ZSWIM5: variants seen among roughly 807,000 people sequenced by gnomAD.
ZSWIM5 encodes the protein zinc finger SWIM-type containing 5.
Under a neutral mutation model 119.6 loss-of-function variants are expected in ZSWIM5, and 55 were observed. The ratio of observed to expected loss-of-function variants is 0.46; its 90% CI spans 0.37 to 0.58. The LOEUF (loss-of-function observed/expected upper bound fraction) is 0.58, where lower values mean the gene tolerates loss of function less well. Ranked by LOEUF, ZSWIM5 falls within the 20% of genes least tolerant of loss-of-function variation. The probability of loss-of-function intolerance (pLI) is 0.00; values close to 1 mark genes in which losing one functional copy is unlikely to be tolerated. For missense variants in ZSWIM5, 1,193 were observed against 1,512.8 expected (o/e 0.79, Z 3.51); for synonymous variants, 537 against 606.9 (o/e 0.88, Z 1.69).
At chr1:45,086,881 ATTTT>A (rs377217727) in intron 2 of ZSWIM5, among the ~76,000 whole-genome samples, 2 of 131,950 alleles carry the variant, frequency 1.5e-5, no homozygotes, top group Admixed American at 7.8e-5. Context: ...TTCTTCTTAA[ATTTT>A]TTTTTTTTTT....
intron 1 of ZSWIM5, among the ~76,000 whole-genome samples, chr1:45,194,785 G>A (rs1646112528): frequency 1.3e-5 from 2 of 151,862 alleles, no homozygotes; most frequent in Non-Finnish European, 2.9e-5. Context: ...GCTGAGGCAG[G>A]AGAATGGTGT....
rs1397051643 is a variant in ZSWIM5, at chr1:45,072,922, C to G, written c.953-12675G>C. Among the ~76,000 whole-genome samples the G allele has an allele frequency of 1.3e-5, 2 of 151,804 alleles. No individual in the cohort carries two copies. The highest frequency in any genetic ancestry group is 2.9e-5 in the Non-Finnish European group (2 of 67,970). On this transcript the variant is annotated intron_variant, in intron 2 of 13. Coordinates refer to ENST00000359600, the MANE Select transcript of ZSWIM5 (RefSeq NM_020883.2). This position sits in a 1 kb window ranked among gnomAD's most constrained non-coding sequence, Gnocchi z 4.1. ...CCAGGTCTTTTGTGGTTTCACATAGCAAAAAACAATTTTAGAATTGTGTTT... is the reference window on the plus strand; with the variant it reads ...CCAGGTCTTTTGTGGTTTCACATAGGAAAAAACAATTTTAGAATTGTGTTT...
chr1:45,098,242 G>C (rs1383277578), intron 1 of ZSWIM5, among the ~76,000 whole-genome samples: 1 of 152,196 alleles, frequency 6.6e-6, no homozygotes, highest in Non-Finnish European at 1.5e-5. Flanking sequence ...GTAGAGTCAG[G>C]CAGGAGCCAC....
rs976983354 is a variant in ZSWIM5 at position 45,093,670 on chromosome 1, T to C, written c.596-5433A>G. Among the ~76,000 whole-genome samples the C allele has an allele frequency of 3.9e-5, 6 of 152,332 alleles. No individual in the cohort carries two copies. In the South Asian group the frequency reaches 1.2e-3, roughly 32 times the overall value. On this transcript the variant is annotated intron_variant, in intron 1 of 13. Transcript: ENST00000359600. The stretch of plus-strand genomic sequence containing the variant: ...TCTTAAAAGGGAAGTCCCTTTCAAA[T>C]ATCTATACCCCTTGCCTTATTGTAA...
At chr1:45,027,130 G>A (rs1644925353) in intron 11 of ZSWIM5, among the ~76,000 whole-genome samples, 1 of 149,802 alleles carries the variant, frequency 6.7e-6, no homozygotes, top group South Asian at 2.1e-4. Context: ...TTAGCCTAAA[G>A]GTTTATCAAT....
chr1:45,177,312 T>C (rs1052839913), intron 1 of ZSWIM5, among the ~76,000 whole-genome samples: 2 of 152,162 alleles, frequency 1.3e-5, no homozygotes, highest in African/African-American at 2.4e-5. Flanking sequence ...TTAAGAGTTG[T>C]TATAGACTCT....
At chr1:45,087,594 T>A (rs79265091) in intron 2 of ZSWIM5, among the ~76,000 whole-genome samples, 3,147 of 152,340 alleles carry the variant, frequency 0.021, 117 homozygotes, top group African/African-American at 0.072. Flanking sequence ...AGGGACAGGG[T>A]CTGCATCGAC....
rs74556173 is a variant in ZSWIM5, at chr1:45,142,946, G to A, written c.596-54709C>T. On this transcript the variant is annotated intron_variant, in intron 1 of 13. Transcript: ENST00000359600. ...AGCACTTTGGGAGGCCGAGGTGAGCGGGTCACACGAGCCCAGGAGTTTGAG... is the reference window on the plus strand; with the variant it reads ...AGCACTTTGGGAGGCCGAGGTGAGCAGGTCACACGAGCCCAGGAGTTTGAG... Among the ~76,000 whole-genome samples, 710 of 151,122 alleles carry A rather than the reference G, an allele frequency of 4.7e-3. 5 individuals carry two copies. The highest frequency in any genetic ancestry group is 0.015 in the African/African-American group (623 of 41,198).
intron 1 of ZSWIM5, among the ~76,000 whole-genome samples, chr1:45,126,542 T>C (rs141717939): frequency 3.2e-4 from 48 of 152,156 alleles, no homozygotes; most frequent in African/African-American, 1.1e-3. Context: ...GAATCCATAA[T>C]CTCAAAACTC....
intron 1 of ZSWIM5, among the ~76,000 whole-genome samples, chr1:45,100,288 C>T (rs1323827042): frequency 6.6e-6 from 1 of 152,126 alleles, no homozygotes; most frequent in Non-Finnish European, 1.5e-5. Flanking sequence ...TGAGTGAACT[C>T]CCATTCACAA....
Position 45,018,575 on chromosome 1 carries a change from C to A in ZSWIM5, c.3437G>T (p.Arg1146Leu). The change falls in exon 14 of 14, where the codon CGG becomes CTG. Residue 1146 changes from arginine (R) to leucine (L), a missense_variant. By Grantham distance (102) the Arg-to-Leu change is moderately radical (BLOSUM62 -2). Coordinates refer to ENST00000359600, the MANE Select transcript of ZSWIM5 (RefSeq NM_020883.2). The surrounding 1 kb of genome is among the most constrained non-coding windows in gnomAD (Gnocchi z 6.7). ...ATCCTGGGGCAGCAGGAAGGTCTCC[C>A]GAGCCTTGCTTAGAAACTCAATGAA... The part of the protein sequence containing the change: ...GEFIEFLSKA[R>L]ETFLLPQDGH... 6.2e-7 allele frequency: 1 copy of A among 1,614,174 alleles called. No homozygotes were observed. Among genetic ancestry groups the A allele is most frequent in the Non-Finnish European group, 8.5e-7 (1 of 1,180,026 alleles).
chr1:45,115,977 G>A (rs570437576), intron 1 of ZSWIM5, among the ~76,000 whole-genome samples: 14 of 152,298 alleles, frequency 9.2e-5, no homozygotes, highest in Middle Eastern at 3.4e-3. Context: ...GCGTGGTGGC[G>A]CGCGCCCGCA....
intron 11 of ZSWIM5, 122 bp downstream of exon 11, chr1:45,034,190 A>G: frequency 8.3e-7 from 1 of 1,206,434 alleles, no homozygotes; most frequent in African/African-American, 1.5e-5. Flanking sequence ...AGTGAGGACC[A>G]CTATCACTCT....
intron 1 of ZSWIM5, among the ~76,000 whole-genome samples, chr1:45,179,045 GA>G (rs1645998543): frequency 1.3e-5 from 2 of 151,696 alleles, no homozygotes; most frequent in South Asian, 4.2e-4. Flanking sequence ...TGAAATAAAG[GA>G]AACAATTCCA....
chr1:45,184,926 G>C (rs1346532008), intron 1 of ZSWIM5, among the ~76,000 whole-genome samples: 1 of 152,074 alleles, frequency 6.6e-6, no homozygotes, highest in Admixed American at 6.6e-5. Flanking sequence ...AACCAAAAAA[G>C]AGCCCTCATT....
intron 1 of ZSWIM5, among the ~76,000 whole-genome samples, chr1:45,143,410 AATTTGACACAGAAGAAAGC>A (rs1200600047): frequency 6.6e-6 from 1 of 152,166 alleles, no homozygotes; most frequent in African/African-American, 2.4e-5. Context: ...ATGATCATAC[AATTTGACACAGAAGAAAGC>A]ATTTGACAAA....
chr1:45,194,405 C>T (rs557677687), intron 1 of ZSWIM5, among the ~76,000 whole-genome samples: 1 of 152,118 alleles, frequency 6.6e-6, no homozygotes, highest in East Asian at 1.9e-4. Flanking sequence ...TAAGGATTAT[C>T]TGAAGATAAC....
chr1:45,181,742 A>C (rs1003681832), intron 1 of ZSWIM5, among the ~76,000 whole-genome samples: 8 of 152,124 alleles, frequency 5.3e-5, no homozygotes, highest in African/African-American at 1.7e-4. Flanking sequence ...CTCTGCAGAA[A>C]CTCTACAAGC....
chr1:45,078,464 G>A (rs1303353617), intron 2 of ZSWIM5, among the ~76,000 whole-genome samples: 1 of 152,198 alleles, frequency 6.6e-6, no homozygotes, highest in African/African-American at 2.4e-5. Context: ...AGATCTGGAA[G>A]AATTCTCTGG....
Sources: gnomAD v4.1 joint callset for allele counts (sites outside exome capture counted in the v4.1 genomes callset) on GRCh38, gnomAD v4.1.1 for gene constraint, Gnocchi (gnomAD v3.1) non-coding constraint, MANE v1.5 for transcripts, NCBI Gene and HGNC (gene_info 2026-07-23, HGNC 2026-07-21) for gene names.